Variants in PTGFRN observed in about 807,000 individuals in gnomAD.
PTGFRN encodes prostaglandin F2 receptor negative regulator.
A neutral mutation model predicts 83.2 loss-of-function variants in PTGFRN; 35 were observed. That is an observed-to-expected ratio of 0.42 (90% confidence interval 0.32 to 0.56). The LOEUF is 0.56. Ranked by LOEUF, PTGFRN falls within the 20% of genes least tolerant of loss-of-function variation. The pLI is 0.11. For missense variants in PTGFRN, 1,051 were observed against 1,179.5 expected (o/e 0.89, Z 1.60); for synonymous variants, 519 against 498.6 (o/e 1.04, Z -0.55).
At chr1:116,931,197 A>G (rs1649790648) in intron 1 of PTGFRN, among the ~76,000 whole-genome samples, 1 of 152,198 alleles carries the variant, frequency 6.6e-6, no homozygotes, top group Admixed American at 6.5e-5. Flanking sequence ...GGATTTTCAG[A>G]TTGGGAATCC....
chr1:116,961,400 TGTG>T lies in PTGFRN; in HGVS notation c.1375_1377del (p.Val459del), dbSNP rs374724158. On this transcript the variant is annotated inframe_deletion, in exon 5 of 9. Transcript: ENST00000393203. The surrounding 1 kb of genome is among the most constrained non-coding windows in gnomAD (Gnocchi z 5.4). ...ACAGGATGAACCGGCGCAGCGACAA[TGTG>T]GTGACCAGCGAGCTGCTTGCAGTCA... is the stretch of plus-strand genomic sequence containing the variant. The T allele has an allele frequency of 7.3e-4, 1,183 of 1,613,554 alleles. 7 individuals carry two copies. In the African/African-American group the frequency reaches 0.012, roughly 16 times the overall value.
Position 116,988,918 on chromosome 1 carries a change from A to G in PTGFRN, c.*1951A>G, listed in dbSNP as rs1258049131. 2 of 152,252 alleles carry G rather than the reference A, an allele frequency of 1.3e-5. No homozygotes were observed. Among genetic ancestry groups the G allele is most frequent in the African/African-American group, 4.8e-5 (2 of 41,462 alleles). 9.4% of individuals were successfully genotyped at this position (152,252 alleles called of 1,614,324 possible). On this transcript the variant is annotated 3_prime_UTR_variant, in exon 9 of 9. Transcript: ENST00000393203. ...GGCACTAGATTTGGGTATTTTCTGC[A>G]TGTCATAACATATCCTAACTGCTAT...
chr1:116,980,947 G>A (rs1651301334), intron 7 of PTGFRN, among the ~76,000 whole-genome samples: 1 of 152,336 alleles, frequency 6.6e-6, no homozygotes, highest in East Asian at 1.9e-4. Context: ...TAATATCACA[G>A]CAATTAATGC....
In PTGFRN at chr1:116,941,191, G is replaced by A. The variant is rs907659779; in HGVS notation, c.50-524G>A. On this transcript the variant is annotated intron_variant, in intron 1 of 8. Transcript: ENST00000393203. The surrounding 1 kb of genome is among the most constrained non-coding windows in gnomAD (Gnocchi z 5.0). ...ATCATATTTTAAAATTAATTTATAG[G>A]CAATGTCAGATAACAGGAGTTAAAT... Among the ~76,000 whole-genome samples the A allele has an allele frequency of 6.6e-6, 1 of 152,102 alleles. No individual in the cohort carries two copies. Among genetic ancestry groups the A allele is most frequent in the African/African-American group, 2.4e-5 (1 of 41,388 alleles).
chr1:116,949,698 A>G, intron 4 of PTGFRN, 126 bp downstream of exon 4: 4 of 1,348,540 alleles, frequency 3.0e-6, no homozygotes, highest in Non-Finnish European at 4.0e-6. Context: ...TGGTTCATGC[A>G]TACTTTGGCC....
chr1:116,986,591 A>G (rs1190184829), intron 8 of PTGFRN, among the ~76,000 whole-genome samples: 1 of 152,246 alleles, frequency 6.6e-6, no homozygotes, highest in Non-Finnish European at 1.5e-5. Flanking sequence ...TTCTCCCCGC[A>G]GAGCTGGGTA....
intron 1 of PTGFRN, among the ~76,000 whole-genome samples, 177 bp downstream of exon 1, chr1:116,910,429 C>T (rs933771834): frequency 3.3e-5 from 5 of 150,540 alleles, no homozygotes; most frequent in South Asian, 2.1e-4. Flanking sequence ...CGGGGCCGCC[C>T]GGAGCCTGGC....
chr1:116,950,829 A>C (rs1650326064), intron 4 of PTGFRN, among the ~76,000 whole-genome samples: 2 of 152,188 alleles, frequency 1.3e-5, no homozygotes, highest in Admixed American at 1.3e-4. Context: ...TGAAAAGTAA[A>C]AGAAGCGGGG....
intron 1 of PTGFRN, among the ~76,000 whole-genome samples, chr1:116,914,076 C>A (rs192099902): frequency 2.0e-3 from 297 of 152,300 alleles, no homozygotes; most frequent in Non-Finnish European, 3.3e-3. Flanking sequence ...TCTTATATAA[C>A]AATGCGAGGG....
intron 7 of PTGFRN, among the ~76,000 whole-genome samples, chr1:116,980,918 C>A (rs539861045): frequency 6.6e-6 from 1 of 152,184 alleles, no homozygotes; most frequent in African/African-American, 2.4e-5. Flanking sequence ...AGGACATGGG[C>A]AAGAAATAAA....
intron 3 of PTGFRN, among the ~76,000 whole-genome samples, chr1:116,945,613 G>C (rs1005367471): frequency 6.6e-6 from 1 of 152,026 alleles, no homozygotes; most frequent in Non-Finnish European, 1.5e-5. Context: ...CCTCAGATGT[G>C]CTTTTCCTGG....
rs767911440 is a variant in PTGFRN at position 116,967,010 on chromosome 1, C to T, written c.1739C>T (p.Ser580Leu). 1.9e-6 allele frequency: 3 copies of T among 1,614,146 alleles called. No homozygotes were observed. Among genetic ancestry groups the T allele is most frequent in the East Asian group, 2.2e-5 (1 of 44,888 alleles). The change falls in exon 6 of 9, where the codon TCG (serine) becomes TTG (leucine). Residue 580 changes from serine to leucine, a missense_variant. Physicochemically the swap from Ser to Leu is moderately radical, Grantham distance 145. Transcript: ENST00000393203. ...AAAGTATCTTCCAAGAATATTAAGT[C>T]GCCACGCTACTCTGTTCTCATCATG... ...TCKVSSKNIK[S>L]PRYSVLIMAE...
chr1:116,912,866 G>C lies in PTGFRN; in HGVS notation c.49+2614G>C, dbSNP rs183583226. 2.6e-5 allele frequency among the ~76,000 whole-genome samples: 4 copies of C among 152,196 alleles called. No individual in the cohort carries two copies. The East Asian group carries it at 7.7e-4, about 29-fold the overall frequency. On this transcript the variant is annotated intron_variant, in intron 1 of 8. Transcript: ENST00000393203. The stretch of plus-strand genomic sequence containing the variant: ...CTTCTACTTCTCACCTCTTGCCTGC[G>C]TATTAATATTTCCTTTTTCCCTTGA...
At chr1:116,963,428 T>C (rs1650730355) in intron 5 of PTGFRN, among the ~76,000 whole-genome samples, 1 of 152,220 alleles carries the variant, frequency 6.6e-6, no homozygotes, top group Non-Finnish European at 1.5e-5. Flanking sequence ...GTGGCATATG[T>C]CCTGGCAGAG....
At chr1:116,956,520 C>G (rs968088224) in intron 4 of PTGFRN, among the ~76,000 whole-genome samples, 6 of 152,180 alleles carry the variant, frequency 3.9e-5, no homozygotes, top group Non-Finnish European at 8.8e-5. Flanking sequence ...AACTACTTAT[C>G]GAGCAGGTGG....
In PTGFRN at chr1:116,961,721, G is replaced by A. The variant is rs759400122; in HGVS notation, c.1639+53G>A. 3 of 1,516,506 alleles carry A rather than the reference G, an allele frequency of 2.0e-6. No homozygotes were observed. The highest frequency in any genetic ancestry group is 3.8e-5 in the Admixed American group (2 of 52,526). The allele number at this position is 1,516,506 out of a possible 1,614,324, so 93.9% of individuals were successfully genotyped here. A position where few individuals can be genotyped will look rare whatever the true frequency, so the allele number is the denominator to read the frequency against. ...TTTGTTTTGTCTTTGCTTAAGTCGT[G>A]CCGCTGTGTGTTGATGCACAGTCAC... On this transcript the variant is annotated intron_variant, in intron 5 of 8. Coordinates refer to ENST00000393203, the MANE Select transcript of PTGFRN (RefSeq NM_020440.4). The surrounding 1 kb of genome is among the most constrained non-coding windows in gnomAD (Gnocchi z 5.4).
At chr1:116,917,695 T>A (rs898409168) in intron 1 of PTGFRN, among the ~76,000 whole-genome samples, 1 of 152,180 alleles carries the variant, frequency 6.6e-6, no homozygotes, top group Non-Finnish European at 1.5e-5. Context: ...AGTGGTGCAA[T>A]CACGGCTCAT....
chr1:116,946,367 G>A (rs917136151), intron 3 of PTGFRN, among the ~76,000 whole-genome samples: 4 of 152,152 alleles, frequency 2.6e-5, no homozygotes, highest in Admixed American at 2.0e-4. Flanking sequence ...CTCATTACTG[G>A]TCAGTCTGGG....
At chr1:116,953,853 C>CTTTTT (rs531278323) in intron 4 of PTGFRN, among the ~76,000 whole-genome samples, 2 of 135,042 alleles carry the variant, frequency 1.5e-5, no homozygotes, top group Non-Finnish European at 1.6e-5. Flanking sequence ...ATGAATATTT[C>CTTTTT]TTTTTTTTTT....
Sources: gnomAD v4.1 joint callset for allele counts (sites outside exome capture counted in the v4.1 genomes callset) on GRCh38, gnomAD v4.1.1 for gene constraint, Gnocchi (gnomAD v3.1) non-coding constraint, MANE v1.5 for transcripts, NCBI Gene and HGNC (gene_info 2026-07-23, HGNC 2026-07-21) for gene names.